FAM227B: variants seen among roughly 807,000 people sequenced by gnomAD.
FAM227B encodes the protein family with sequence similarity 227 member B, also known as protein FAM227B.
In FAM227B, 88 loss-of-function variants were observed where a neutral mutation model predicts 73.8. That is an observed-to-expected ratio of 1.19 (90% CI 1.00 to 1.42). FAM227B has a LOEUF of 1.42. FAM227B is among the 40% of genes most tolerant of loss of function. FAM227B has a pLI of 0.00. For synonymous variants in FAM227B, 210 were observed against 190.5 expected (o/e 1.10, Z -0.84); for missense variants, 632 against 590.9 (o/e 1.07, Z -0.72).
intron 9 of FAM227B, among the ~76,000 whole-genome samples, chr15:49,554,488 A>G (rs115596760): frequency 0.017 from 2,605 of 152,248 alleles, 34 homozygotes; most frequent in Middle Eastern, 0.037. Context: ...GGGATCCACA[A>G]TTCCCCTCTG....
chr15:49,614,233 T>C (rs2078140427), intron 2 of FAM227B, among the ~76,000 whole-genome samples: 1 of 152,140 alleles, frequency 6.6e-6, no homozygotes, highest in East Asian at 1.9e-4. Flanking sequence ...AGGTAAGGTA[T>C]AAATTAAACA....
At chr15:49,373,862 G>C (rs2045994169) in intron 11 of FAM227B, among the ~76,000 whole-genome samples, 1 of 152,074 alleles carries the variant, frequency 6.6e-6, no homozygotes, top group South Asian at 2.1e-4. Flanking sequence ...AACAGAAAAA[G>C]TATTGCTGAT....
intron 5 of FAM227B, among the ~76,000 whole-genome samples, chr15:49,578,151 G>C (rs1190356763): frequency 1.3e-5 from 2 of 152,214 alleles, no homozygotes; most frequent in African/African-American, 4.8e-5. Flanking sequence ...GATCAGAGCT[G>C]TCCTGCATTG....
chr15:49,605,777 G>A (rs1485677274), intron 3 of FAM227B, among the ~76,000 whole-genome samples: 3 of 152,138 alleles, frequency 2.0e-5, no homozygotes, highest in Admixed American at 1.3e-4. Flanking sequence ...CCTGGAGCCT[G>A]GGTCCTCATG....
chr15:49,557,196 C>T lies in FAM227B; in HGVS notation c.747+11049G>A, dbSNP rs190987277. 6.4e-4 allele frequency among the ~76,000 whole-genome samples: 98 copies of T among 152,274 alleles called. 1 individual carries two copies. The East Asian group carries it at 0.018, about 28-fold the overall frequency. On this transcript the variant is annotated intron_variant, in intron 9 of 15. Transcript: ENST00000299338. ...TAGCAGATATTCCTTCTGGCTGCAT[C>T]TAGTCAGCCACCTTAGAAATTATTA... is the stretch of plus-strand genomic sequence containing the variant.
At chr15:49,461,873 T>C (rs2053827160) in intron 11 of FAM227B, among the ~76,000 whole-genome samples, 1 of 152,176 alleles carries the variant, frequency 6.6e-6, no homozygotes, top group African/African-American at 2.4e-5. Flanking sequence ...CTAATACACA[T>C]AGCTTTAAGA....
At chr15:49,401,253 C>T (rs1324431285) in intron 11 of FAM227B, among the ~76,000 whole-genome samples, 1 of 152,254 alleles carries the variant, frequency 6.6e-6, no homozygotes, top group Non-Finnish European at 1.5e-5. Flanking sequence ...TGAAAAAATG[C>T]TCATCATCAC....
At chr15:49,341,418 T>C (rs532846307) in intron 13 of FAM227B, among the ~76,000 whole-genome samples, 3 of 152,350 alleles carry the variant, frequency 2.0e-5, no homozygotes, top group African/African-American at 7.2e-5. Context: ...TTGTGTCACC[T>C]ATGATTTCTT....
At chr15:49,541,648 C>A in intron 10 of FAM227B, 32 bp downstream of exon 10, 2 of 1,365,026 alleles carry the variant, frequency 1.5e-6, no homozygotes, top group Non-Finnish European at 1.9e-6. Context: ...GAAACCAAAA[C>A]AATGATTAAT....
chr15:49,364,909 C>T (rs1171044398), intron 13 of FAM227B, among the ~76,000 whole-genome samples: 1 of 151,710 alleles, frequency 6.6e-6, no homozygotes, highest in East Asian at 1.9e-4. Flanking sequence ...CTACACAGAC[C>T]ATATCCTTTT....
At chr15:49,375,357 CTTA>C (rs1021871153) in intron 11 of FAM227B, among the ~76,000 whole-genome samples, 1 of 152,086 alleles carries the variant, frequency 6.6e-6, no homozygotes, top group African/African-American at 2.4e-5. Context: ...AAAGTGCCAT[CTTA>C]TTATTACTTT....
At chr15:49,572,864 T>C (rs957842694) in intron 8 of FAM227B, among the ~76,000 whole-genome samples, 10 of 152,138 alleles carry the variant, frequency 6.6e-5, no homozygotes, top group African/African-American at 2.4e-4. Context: ...ACCTCATTTT[T>C]AGAATTCTCA....
At chr15:49,584,708 C>T (rs2076037719) in intron 5 of FAM227B, among the ~76,000 whole-genome samples, 1 of 152,078 alleles carries the variant, frequency 6.6e-6, no homozygotes, top group Non-Finnish European at 1.5e-5. Context: ...CTCCTATATA[C>T]CAACAACACT....
At chr15:49,610,829 A>G (rs1429082785) in intron 3 of FAM227B, among the ~76,000 whole-genome samples, 3 of 152,176 alleles carry the variant, frequency 2.0e-5, no homozygotes, top group African/African-American at 7.2e-5. Context: ...CTCTGATTCA[A>G]TAATCAAGGA....
At chr15:49,381,066 G>A (rs969684128) in intron 11 of FAM227B, among the ~76,000 whole-genome samples, 5 of 152,106 alleles carry the variant, frequency 3.3e-5, no homozygotes, top group East Asian at 1.9e-4. Context: ...AAGAGCAAGG[G>A]GGAGGGGAGG....
chr15:49,585,405 C>T (rs950211285), intron 5 of FAM227B, among the ~76,000 whole-genome samples: 61 of 152,144 alleles, frequency 4.0e-4, no homozygotes, highest in Admixed American at 7.2e-4. Context: ...ATGCTTACTG[C>T]GGCACTATTC....
At chr15:49,448,818 T>C (rs1303718018) in intron 11 of FAM227B, among the ~76,000 whole-genome samples, 1 of 151,782 alleles carries the variant, frequency 6.6e-6, no homozygotes, top group African/African-American at 2.4e-5. Context: ...GCAAAACTTT[T>C]CTTGAAGCTC....
intron 11 of FAM227B, among the ~76,000 whole-genome samples, chr15:49,478,746 A>G (rs1379143424): frequency 2.6e-5 from 4 of 152,202 alleles, no homozygotes; most frequent in Non-Finnish European, 5.9e-5. Context: ...TTAAATATAA[A>G]GCTTTAAATG....
At chr15:49,382,365 C>T (rs1567185617) in intron 11 of FAM227B, among the ~76,000 whole-genome samples, 2 of 151,946 alleles carry the variant, frequency 1.3e-5, no homozygotes, top group Non-Finnish European at 2.9e-5. Flanking sequence ...GCAAATGTGA[C>T]GTTCCTAATC....
Sources: gnomAD v4.1 joint callset for allele counts (sites outside exome capture counted in the v4.1 genomes callset) on GRCh38, gnomAD v4.1.1 for gene constraint, MANE v1.5 for transcripts, NCBI Gene and HGNC (gene_info 2026-07-23, HGNC 2026-07-21) for gene names.